Variants in ZFHX3 observed in about 807,000 individuals in gnomAD.
The protein encoded by ZFHX3 is zinc finger homeobox 3, also known as zinc finger homeobox protein 3.
In ZFHX3, 42 loss-of-function variants were observed where a neutral mutation model predicts 279.1. The observed-to-expected ratio is 0.15, with a 90% CI of 0.12 to 0.19. The LOEUF (loss-of-function observed/expected upper bound fraction) is 0.19. Ranked by LOEUF, ZFHX3 falls within the 10% of genes least tolerant of loss-of-function variation. ZFHX3 has a pLI of 1.00. For missense variants in ZFHX3, 4,981 were observed against 4,754.0 expected (o/e 1.05, Z -1.40); for synonymous variants, 2,293 against 1,957.8 (o/e 1.17, Z -4.52).
chr16:73,063,482 C>T (rs139932259), upstream of ZFHX3, among the ~76,000 whole-genome samples: 110 of 152,258 alleles, frequency 7.2e-4, no homozygotes, highest in African/African-American at 2.4e-3. Context: ...TCTGAGCGTC[C>T]GGAATCGCTC....
chr16:73,445,284 A>G lies in ZFHX3; in HGVS notation c.-1291+10719T>C, dbSNP rs971835647. ...TGTATATGTATGTATATATGTGTGTATATATATATGTATATGTATGTGTGT... is the reference window on the plus strand; with the variant it reads ...TGTATATGTATGTATATATGTGTGTGTATATATATGTATATGTATGTGTGT... On this transcript the variant is annotated intron_variant, in intron 3 of 17. Transcript: ENST00000641206. 9.7e-5 allele frequency among the ~76,000 whole-genome samples: 11 copies of G among 113,680 alleles called. 1 individual carries two copies. The highest frequency in any genetic ancestry group is 1.2e-4 in the African/African-American group (4 of 33,144). 74.6% of individuals were successfully genotyped at this position (113,680 alleles called of 152,430 possible).
At chr16:72,953,611 T>TC (rs1384179333) in intron 2 of ZFHX3, among the ~76,000 whole-genome samples, 1 of 152,158 alleles carries the variant, frequency 6.6e-6, no homozygotes, top group Non-Finnish European at 1.5e-5. Context: ...TCTTTTTTTT[T>TC]CAAGAGACAA....
intron 2 of ZFHX3, chr16:73,504,435 CA>C (rs2019289736): frequency 1.3e-5 from 2 of 152,134 alleles, no homozygotes; most frequent in Admixed American, 1.3e-4. Context: ...ACCTAGGTTT[CA>C]AAACCAATTT....
chr16:73,569,262 C>T (rs1309197155), intron 2 of ZFHX3, among the ~76,000 whole-genome samples: 4 of 152,216 alleles, frequency 2.6e-5, no homozygotes, highest in Middle Eastern at 3.4e-3. Context: ...GTGAGTCTTC[C>T]GTGGGCTGTG....
Position 72,959,363 on chromosome 16 carries a change from G to T in ZFHX3, c.783C>A (p.Pro261=). The change falls in exon 2 of 10, where the codon CCC becomes CCA. Residue 261 remains proline (P), a synonymous_variant. Transcript: ENST00000268489. The part of the protein sequence containing the change: ...AKSSCVSKDV[P]NNVDLSKFDG... Reference sequence around the variant, plus strand: ...CGAATTTGGACAGGTCCACATTGTTGGGAACATCTTTGGATACGCAGGAGC... The same window carrying T: ...CGAATTTGGACAGGTCCACATTGTTTGGAACATCTTTGGATACGCAGGAGC... 6.2e-7 allele frequency: 1 copy of T among 1,614,206 alleles called. No homozygotes were observed. The highest frequency in any genetic ancestry group is 8.5e-7 in the Non-Finnish European group (1 of 1,180,040).
At chr16:73,617,734 AG>A (rs773728300) in intron 2 of ZFHX3, among the ~76,000 whole-genome samples, 1 of 152,244 alleles carries the variant, frequency 6.6e-6, no homozygotes, top group Non-Finnish European at 1.5e-5. Context: ...GTTATAAAAA[AG>A]TATACCATTG....
intron 3 of ZFHX3, among the ~76,000 whole-genome samples, chr16:72,928,238 G>GAGAGCAAGAGAGACAGCAA (rs1959596211): frequency 6.7e-6 from 1 of 149,712 alleles, no homozygotes; most frequent in African/African-American, 2.5e-5. Context: ...GAGCGAGAGA[G>GAGAGCAAGAGAGACAGCAA]GAAAGGGCTT....
intron 2 of ZFHX3, among the ~76,000 whole-genome samples, chr16:73,650,212 G>A (rs2052657507): frequency 6.6e-6 from 1 of 151,962 alleles, no homozygotes; most frequent in Non-Finnish European, 1.5e-5. Context: ...GAACCTTTAA[G>A]TAGCTATTTA....
In ZFHX3 at chr16:72,797,715, C is replaced by T. The variant is rs2035963143; in HGVS notation, c.4967G>A (p.Ser1656Asn). The change falls in exon 9 of 10, where the codon AGC (serine) becomes AAC (asparagine). Residue 1656 changes from serine to asparagine, a missense_variant. Around this residue, in one of 7 missense-constraint regions of ZFHX3, gnomAD observed 1,751 missense variants for 1,770.0 expected, o/e 0.99. Transcript: ENST00000268489. ...GGTAAAGGTGTTACTGCCACTGGTG[C>T]TCACAGGACTTGGCGTGGAGGAGCT... ...SLSSSTPSPV[S>N]TSGSNTFTTS... 6.2e-6 allele frequency: 10 copies of T among 1,614,162 alleles called. No individual in the cohort carries two copies. The highest frequency in any genetic ancestry group is 8.5e-6 in the Non-Finnish European group (10 of 1,180,036).
At chr16:72,939,762 C>A (rs899624603) in intron 3 of ZFHX3, among the ~76,000 whole-genome samples, 1 of 152,192 alleles carries the variant, frequency 6.6e-6, no homozygotes, top group African/African-American at 2.4e-5. Flanking sequence ...GTGGCAGGCG[C>A]CTGTAATCCC....
intron 3 of ZFHX3, among the ~76,000 whole-genome samples, chr16:73,414,197 G>A (rs965536776): frequency 6.6e-6 from 1 of 152,174 alleles, no homozygotes; most frequent in Non-Finnish European, 1.5e-5. Context: ...ACTCCTTTTA[G>A]GTTACCTCTA....
chr16:72,802,568 G>A (rs887885104), intron 7 of ZFHX3, among the ~76,000 whole-genome samples: 1 of 152,130 alleles, frequency 6.6e-6, no homozygotes, highest in Non-Finnish European at 1.5e-5. Context: ...AAAAAGGGGG[G>A]GTTGGTATAT....
intron 2 of ZFHX3, among the ~76,000 whole-genome samples, chr16:73,607,345 G>A (rs2052200208): frequency 6.6e-6 from 1 of 152,114 alleles, no homozygotes; most frequent in Non-Finnish European, 1.5e-5. Context: ...TCCTTTTTGA[G>A]GCTGCATAGT....
chr16:72,957,977 G>A lies in ZFHX3; in HGVS notation c.2169C>T (p.Tyr723=), dbSNP rs759512594. ...LARGESYTCG[Y]KPFRCEVCNY... ...TACACACCTCGCAGCGGAAAGGCTTGTAACCACACGTGTAGCTCTCGCCTC... is the reference window on the plus strand; with the variant it reads ...TACACACCTCGCAGCGGAAAGGCTTATAACCACACGTGTAGCTCTCGCCTC... Residue 723 remains tyrosine, a synonymous_variant, in exon 2 of 10, where the codon TAC becomes TAT. Coordinates refer to ENST00000268489, the MANE Select transcript of ZFHX3 (RefSeq NM_006885.4). The A allele has an allele frequency of 4.3e-6, 7 of 1,613,944 alleles. No homozygotes were observed. Among genetic ancestry groups the A allele is most frequent in the Non-Finnish European group, 5.1e-6 (6 of 1,180,040 alleles).
chr16:73,773,986 A>C (rs1180608196), intron 1 of ZFHX3, among the ~76,000 whole-genome samples: 1 of 152,072 alleles, frequency 6.6e-6, no homozygotes, highest in African/African-American at 2.4e-5. Context: ...AAAACATAAA[A>C]AATTAGCCAG....
rs375868223 is a variant in ZFHX3 at position 72,799,993 on chromosome 16, T to C, written c.3967+34A>G. On this transcript the variant is annotated intron_variant, in intron 8 of 9. Transcript: ENST00000268489. The stretch of plus-strand genomic sequence containing the variant: ...GAACATTTTGGCATTCCATCTTGTT[T>C]CAATTTCTTGGGGTCAAGAATAATG... 1.3e-5 allele frequency: 20 copies of C among 1,595,928 alleles called. No individual in the cohort carries two copies. In the African/African-American group the frequency reaches 2.3e-4, roughly 18 times the overall value.
chr16:73,364,703 GT>G (rs1465878766), intron 3 of ZFHX3, among the ~76,000 whole-genome samples: 10 of 152,166 alleles, frequency 6.6e-5, no homozygotes, highest in African/African-American at 2.2e-4. Flanking sequence ...TTGGGACTGA[GT>G]TTTATGGAGT....
intron 3 of ZFHX3, among the ~76,000 whole-genome samples, chr16:72,945,113 C>T (rs957288424): frequency 2.0e-4 from 30 of 152,022 alleles, no homozygotes; most frequent in African/African-American, 4.8e-4. Flanking sequence ...CTAAAGCCAT[C>T]GGCTGAGAGT....
intron 7 of ZFHX3, among the ~76,000 whole-genome samples, chr16:72,803,396 C>CAA (rs2036170332): frequency 6.6e-6 from 1 of 152,128 alleles, no homozygotes; most frequent in African/African-American, 2.4e-5. Flanking sequence ...TCCCTTTTGC[C>CAA]AGGAACACTG....
Sources: allele counts gnomAD v4.1 joint callset (sites outside exome capture counted in the v4.1 genomes callset), GRCh38; gene constraint gnomAD v4.1.1; regional missense constraint gnomAD v4.1.1; transcripts MANE v1.5; gene names NCBI Gene and HGNC (gene_info 2026-07-23, HGNC 2026-07-21).